Variants in NFIB observed in about 807,000 individuals in gnomAD.
NFIB encodes nuclear factor 1 B-type.
A neutral mutation model predicts 61.5 loss-of-function variants in NFIB; 11 were observed. The ratio of observed to expected loss-of-function variants is 0.18; its 90% CI spans 0.11 to 0.30. NFIB has a LOEUF of 0.30. Ranked by LOEUF, NFIB falls within the 10% of genes least tolerant of loss-of-function variation. The pLI, the probability that NFIB is intolerant of heterozygous loss-of-function variation, is 1.00. For missense variants in NFIB, 471 were observed against 608.9 expected, an observed-to-expected ratio of 0.77 and a Z score of 2.38; for synonymous variants, 260 against 216.5, an observed-to-expected ratio of 1.20 and a Z score of -1.76.
At chr9:14,195,503 T>A (rs1187557285) in intron 2 of NFIB, among the ~76,000 whole-genome samples, 2 of 152,248 alleles carry the variant, frequency 1.3e-5, no homozygotes, top group East Asian at 3.8e-4. Flanking sequence ...TAATTTTTAT[T>A]TGAAAGTATA....
At chr9:14,485,314 T>C in the NFIB span, among the ~76,000 whole-genome samples, 1 of 152,128 alleles carries the variant, frequency 6.6e-6, no homozygotes, top group African/African-American at 2.4e-5. Context: ...TTATATTTAA[T>C]CTAAACCCCA....
rs1414340143 is a variant in NFIB, at chr9:14,313,643, C to T, written c.-132G>A. ...ATCAGGACGGGGCTCTGCGCTGGAT[C>T]ACCGCAACTTCACAACAAACCCAGT... On this transcript the variant is annotated 5_prime_UTR_variant, in exon 1 of 11. Transcript: ENST00000380953. The surrounding 1 kb of genome is among the most constrained non-coding windows in gnomAD (Gnocchi z 4.5). The T allele has an allele frequency of 2.5e-5, 38 of 1,547,692 alleles. No individual in the cohort carries two copies. The highest frequency in any genetic ancestry group is 3.2e-5 in the Non-Finnish European group (37 of 1,148,040).
chr9:14,458,395 C>A, the NFIB span, among the ~76,000 whole-genome samples: 1 of 152,162 alleles, frequency 6.6e-6, no homozygotes, highest in Admixed American at 6.5e-5. Context: ...TTATGACAAA[C>A]CCACAGCCAA....
intron 1 of NFIB, among the ~76,000 whole-genome samples, chr9:14,369,561 C>G (rs2061336051): frequency 1.3e-5 from 2 of 152,058 alleles, no homozygotes; most frequent in Admixed American, 1.3e-4. Flanking sequence ...CCTCAATCAG[C>G]CCCACCTCTC....
Position 14,324,586 on chromosome 9 carries a change from AAATAGGAAAAGG to A in NFIB, c.109-17078_109-17067del, listed in dbSNP as rs555067345. Among the ~76,000 whole-genome samples, 8 of 152,266 alleles carry A rather than the reference AAATAGGAAAAGG, an allele frequency of 5.3e-5. 1 individual carries two copies. In the South Asian group the frequency reaches 1.7e-3, roughly 32 times the overall value. On this transcript the variant is annotated intron_variant, in intron 1 of 8. Transcript: ENST00000380934. Reference sequence around the variant, plus strand: ...TGTTTAGGAAATATTTTGAGACACAAAATAGGAAAAGGAATAGGGAAAGAAAGAGAAAAGTAT... The same window carrying A: ...TGTTTAGGAAATATTTTGAGACACAAAATAGGGAAAGAAAGAGAAAAGTAT...
At chr9:14,287,611 G>C (rs2058802760) in intron 2 of NFIB, among the ~76,000 whole-genome samples, 1 of 151,674 alleles carries the variant, frequency 6.6e-6, no homozygotes, top group South Asian at 2.1e-4. Context: ...TTTTAGTAGA[G>C]ACGGGGTTTC....
At chr9:14,523,954 G>A in the NFIB span, among the ~76,000 whole-genome samples, 8 of 152,122 alleles carry the variant, frequency 5.3e-5, no homozygotes, top group African/African-American at 1.9e-4. Context: ...GTACATTTAA[G>A]TTTTATCTGG....
chr9:14,255,120 G>T (rs186802572), intron 2 of NFIB, among the ~76,000 whole-genome samples: 2 of 152,208 alleles, frequency 1.3e-5, no homozygotes, highest in Admixed American at 1.3e-4. Context: ...TTTCTTGGGA[G>T]GCTAAAGTTG....
intron 1 of NFIB, among the ~76,000 whole-genome samples, chr9:14,363,190 T>G (rs544817574): frequency 6.6e-6 from 1 of 152,226 alleles, no homozygotes; most frequent in South Asian, 2.1e-4. Context: ...CACAAACTCT[T>G]TGTCTTTTAC....
the NFIB span, among the ~76,000 whole-genome samples, chr9:14,419,115 C>CA: frequency 6.6e-6 from 1 of 150,720 alleles, no homozygotes; most frequent in Admixed American, 6.6e-5. Flanking sequence ...CCAAACTGGG[C>CA]AAAAAAATAG....
At chr9:14,154,830 T>C (rs1424972386) in intron 4 of NFIB, among the ~76,000 whole-genome samples, 2 of 152,220 alleles carry the variant, frequency 1.3e-5, no homozygotes, top group African/African-American at 4.8e-5. Context: ...CAGTCAGTGA[T>C]AGCGTGAAGA....
intron 9 of NFIB, 44 bp downstream of exon 9, chr9:14,116,164 C>T: frequency 1.4e-6 from 2 of 1,441,102 alleles, no homozygotes; most frequent in Admixed American, 2.5e-5. Flanking sequence ...TTTCTCATTT[C>T]CTATGGAAAT....
the NFIB span, among the ~76,000 whole-genome samples, chr9:14,494,511 C>A: frequency 2.6e-5 from 4 of 152,166 alleles, no homozygotes; most frequent in Non-Finnish European, 5.9e-5. Flanking sequence ...CTTCCTGAGG[C>A]CTCTTTTCTT....
chr9:14,262,511 A>G (rs2056847332), intron 2 of NFIB, among the ~76,000 whole-genome samples: 2 of 152,228 alleles, frequency 1.3e-5, no homozygotes, highest in African/African-American at 2.4e-5. Flanking sequence ...CACCAGGATT[A>G]AAGTGAGAAG....
chr9:14,406,353 A>T, the NFIB span, among the ~76,000 whole-genome samples: 2 of 152,186 alleles, frequency 1.3e-5, no homozygotes. Context: ...CCACCACTCT[A>T]GAAGGGATGT....
intron 2 of NFIB, among the ~76,000 whole-genome samples, chr9:14,230,185 T>A (rs1482539389): frequency 6.6e-6 from 1 of 152,176 alleles, no homozygotes; most frequent in African/African-American, 2.4e-5. Context: ...AGAGTACAAT[T>A]ATAATATTTG....
At chr9:14,180,460 A>G (rs1407881234) in intron 2 of NFIB, among the ~76,000 whole-genome samples, 1 of 152,172 alleles carries the variant, frequency 6.6e-6, no homozygotes, top group Admixed American at 6.5e-5. Context: ...GGAGGAAGAG[A>G]TCAATGTCGT....
chr9:14,151,769 C>A (rs2042899071), intron 4 of NFIB, among the ~76,000 whole-genome samples: 1 of 152,042 alleles, frequency 6.6e-6, no homozygotes, highest in South Asian at 2.1e-4. Context: ...GTTTCCATTT[C>A]TTTACCTGTC....
intron 2 of NFIB, among the ~76,000 whole-genome samples, chr9:14,284,741 A>G (rs141544493): frequency 2.7e-4 from 41 of 152,374 alleles, no homozygotes; most frequent in Middle Eastern, 3.4e-3. Context: ...GAAAAACAGA[A>G]GAAAAATTTA....
Sources: allele counts gnomAD v4.1 joint callset (sites outside exome capture counted in the v4.1 genomes callset), GRCh38; gene constraint gnomAD v4.1.1; non-coding constraint Gnocchi (gnomAD v3.1); transcripts MANE v1.5; gene names NCBI Gene and HGNC (gene_info 2026-07-23, HGNC 2026-07-21).